RANBP2: variants seen among roughly 807,000 people sequenced by gnomAD.
RANBP2 encodes E3 SUMO-protein ligase RanBP2.
In RANBP2, 57 loss-of-function variants were observed where a neutral mutation model predicts 303.6. That is an observed-to-expected ratio of 0.19 (90% CI 0.15 to 0.23). The LOEUF (loss-of-function observed/expected upper bound fraction) is 0.23. Among genes scored for constraint, RANBP2 ranks in the 10% least tolerant of loss-of-function variants. RANBP2 has a pLI of 1.00. For missense variants in RANBP2, 3,138 were observed against 3,780.8 expected (o/e 0.83, Z 4.46); for synonymous variants, 1,167 against 1,301.5 (o/e 0.90, Z 2.23).
chr2:109,300,199 AT>A, the RANBP2 span, among the ~76,000 whole-genome samples: 1 of 151,418 alleles, frequency 6.6e-6, no homozygotes, highest in East Asian at 1.9e-4. Flanking sequence ...GCATCCTGAA[AT>A]TTTTTTTTCT....
the RANBP2 span, among the ~76,000 whole-genome samples, chr2:109,067,275 T>C: frequency 1.2e-4 from 18 of 152,298 alleles, no homozygotes; most frequent in Admixed American, 9.2e-4. Flanking sequence ...AGTCAGCCAA[T>C]TTTGTCCTGC....
At chr2:109,157,241 CT>C in the RANBP2 span, among the ~76,000 whole-genome samples, 1 of 152,186 alleles carries the variant, frequency 6.6e-6, no homozygotes, top group African/African-American at 2.4e-5. Flanking sequence ...GCTGGTAGGT[CT>C]AGTTTTAAAC....
Position 108,773,050 on chromosome 2 carries a change from A to G in RANBP2, c.8292+4A>G, listed in dbSNP as rs1299898623. ...TCAAAAAGTTCAGGAAGCTCAAGTA[A>G]GAACATCTCTAATAAATTTTCCTTC... On this transcript the variant is annotated splice_donor_region_variant and intron_variant, in intron 23 of 28. Coordinates refer to ENST00000283195, the MANE Select transcript of RANBP2 (RefSeq NM_006267.5). The G allele has an allele frequency of 6.2e-6, 10 of 1,606,906 alleles. No individual in the cohort carries two copies. Among genetic ancestry groups the G allele is most frequent in the Non-Finnish European group, 8.5e-6 (10 of 1,175,536 alleles).
the RANBP2 span, among the ~76,000 whole-genome samples, chr2:109,317,158 A>G: frequency 6.9e-6 from 1 of 144,538 alleles, no homozygotes; most frequent in East Asian, 2.0e-4. Flanking sequence ...TGTAAGTTTC[A>G]TGAAATGTTT....
At chr2:109,699,795 C>G in the RANBP2 span, among the ~76,000 whole-genome samples, 1 of 152,124 alleles carries the variant, frequency 6.6e-6, no homozygotes, top group Non-Finnish European at 1.5e-5. Context: ...CTCAGCTTCT[C>G]GGCTCAGTGA....
chr2:108,838,448 A>G, the RANBP2 span, among the ~76,000 whole-genome samples: 1 of 152,194 alleles, frequency 6.6e-6, no homozygotes, highest in Non-Finnish European at 1.5e-5. Flanking sequence ...TTTTACTCTT[A>G]TAAACAGTGT....
the RANBP2 span, among the ~76,000 whole-genome samples, chr2:109,739,028 G>A: frequency 1.4e-5 from 2 of 138,064 alleles, no homozygotes; most frequent in Admixed American, 7.6e-5. Context: ...TCCCCAATGC[G>A]TGTTCTTGGC....
At chr2:109,544,463 C>A in the RANBP2 span, 2 of 1,374,954 alleles carry the variant, frequency 1.5e-6, no homozygotes. Flanking sequence ...AAACACCAAA[C>A]CATATTTTCT....
the RANBP2 span, among the ~76,000 whole-genome samples, chr2:109,249,562 TCC>T: frequency 9.3e-5 from 13 of 139,242 alleles, no homozygotes; most frequent in East Asian, 4.1e-4. Context: ...CTTCCTTCCT[TCC>T]TTCCTTCCTT....
At chr2:108,793,073 C>T in the RANBP2 span, among the ~76,000 whole-genome samples, 1 of 137,042 alleles carries the variant, frequency 7.3e-6, no homozygotes, top group South Asian at 2.4e-4. Context: ...AAAAAAAAAG[C>T]AAGGCCGGGC....
At chr2:108,789,331 G>A (rs1679517979), downstream of RANBP2, among the ~76,000 whole-genome samples, 1 of 152,144 alleles carries the variant, frequency 6.6e-6, no homozygotes, top group South Asian at 2.1e-4. Context: ...GGTGGCTCAC[G>A]CCTGTAATCC....
At chr2:108,747,224 C>T (rs1032344843) in intron 8 of RANBP2, among the ~76,000 whole-genome samples, 5 of 152,144 alleles carry the variant, frequency 3.3e-5, no homozygotes, top group African/African-American at 1.2e-4. Context: ...ATATACTTAC[C>T]TTATATTAGG....
intron 13 of RANBP2, 127 bp from the exon 14 acceptor site, chr2:108,753,299 A>T: frequency 1.2e-6 from 2 of 1,604,930 alleles, no homozygotes; most frequent in Non-Finnish European, 1.7e-6. Context: ...GCTCTCACAC[A>T]TAAGATATGA....
the RANBP2 span, among the ~76,000 whole-genome samples, chr2:108,860,958 T>TTTTTTTTTTTTTTTTTTTTTTTA: frequency 6.8e-6 from 1 of 146,298 alleles, no homozygotes. Flanking sequence ...TTTTTTTTTT[T>TTTTTTTTTTTTTTTTTTTTTTTA]GGTTGGTAAG....
chr2:109,375,817 A>G, the RANBP2 span, among the ~76,000 whole-genome samples: 1 of 152,244 alleles, frequency 6.6e-6, no homozygotes, highest in African/African-American at 2.4e-5. Context: ...TGTTGAGAAC[A>G]GGGCCCATTC....
chr2:109,277,064 A>G, the RANBP2 span, among the ~76,000 whole-genome samples: 18 of 152,196 alleles, frequency 1.2e-4, no homozygotes, highest in Admixed American at 3.9e-4. Context: ...GTGCTGGGAT[A>G]AAGCTGAAGT....
At position 108,771,755 on chromosome 2, in the gene RANBP2, T is replaced by G; in HGVS notation, c.7904T>G (p.Val2635Gly). 6.2e-7 allele frequency: 1 copy of G among 1,613,998 alleles called. No homozygotes were observed. ...CCCTCAGATGATGATGTTCTCATTG[T>G]ATATGAACTAACTCCAACCGCTGAG... is the stretch of plus-strand genomic sequence containing the variant. ...DSPSDDDVLI[V>G]YELTPTAEQK... Residue 2635 changes from valine (V) to glycine (G), a missense_variant, in exon 21 of 29, where the codon GTA becomes GGA. Val to Gly is a moderately radical substitution (Grantham distance 109). Around this residue, in one of 20 missense-constraint regions of RANBP2, gnomAD observed 497 missense variants for 465.8 expected, o/e 1.07. Transcript: ENST00000283195.
At chr2:108,996,983 A>G in the RANBP2 span, among the ~76,000 whole-genome samples, 1 of 152,032 alleles carries the variant, frequency 6.6e-6, no homozygotes, top group African/African-American at 2.4e-5. Flanking sequence ...ATCTACTCAC[A>G]TGCCTCCAGG....
chr2:108,729,590 T>G (rs536547548), intron 2 of RANBP2, among the ~76,000 whole-genome samples: 42 of 152,266 alleles, frequency 2.8e-4, no homozygotes, highest in Non-Finnish European at 4.6e-4. Flanking sequence ...GAGAATAGCT[T>G]GTATAAAAGA....
Sources: allele counts gnomAD v4.1 joint callset (sites outside exome capture counted in the v4.1 genomes callset), GRCh38; gene constraint gnomAD v4.1.1; regional missense constraint gnomAD v4.1.1; transcripts MANE v1.5; gene names NCBI Gene and HGNC (gene_info 2026-07-23, HGNC 2026-07-21).